Variants in NMT2 observed in about 807,000 individuals in gnomAD.
NMT2 encodes N-myristoyltransferase 2.
NMT2 carries 35 observed loss-of-function variants against 65.4 expected under a neutral mutation model. The observed-to-expected ratio is 0.54, with a 90% CI of 0.41 to 0.71. The LOEUF (loss-of-function observed/expected upper bound fraction) is 0.71, where lower values mean the gene tolerates loss of function less well. Ranked by LOEUF, NMT2 falls within the 30% of genes least tolerant of loss-of-function variation. NMT2 has a pLI of 0.00. For missense variants in NMT2, 489 were observed against 611.3 expected (o/e 0.80, Z 2.11); for synonymous variants, 226 against 231.8 (o/e 0.98, Z 0.23).
intron 10 of NMT2, among the ~76,000 whole-genome samples, chr10:15,111,112 A>T (rs1845497662): frequency 6.6e-6 from 1 of 151,950 alleles, no homozygotes; most frequent in Non-Finnish European, 1.5e-5. Flanking sequence ...TTTAGAAGGG[A>T]ACAGTTGTCA....
chr10:15,138,150 A>T (rs1846587439), intron 2 of NMT2, among the ~76,000 whole-genome samples: 1 of 151,686 alleles, frequency 6.6e-6, no homozygotes, highest in African/African-American at 2.4e-5. Flanking sequence ...AGCTGGGATT[A>T]CAGGCTTGTG....
intron 9 of NMT2, among the ~76,000 whole-genome samples, chr10:15,114,220 C>A (rs915365262): frequency 2.0e-5 from 3 of 152,204 alleles, no homozygotes; most frequent in Non-Finnish European, 4.4e-5. Context: ...TCATATCCAT[C>A]TCATACGCTG....
rs147160523 is a variant in NMT2 at position 15,134,947 on chromosome 10, C to T, written c.391+327G>A. Among the ~76,000 whole-genome samples, 672 of 152,226 alleles carry T rather than the reference C, an allele frequency of 4.4e-3. 6 individuals carry two copies. The highest frequency in any genetic ancestry group is 0.015 in the African/African-American group (603 of 41,540). On this transcript the variant is annotated intron_variant, in intron 3 of 11. Coordinates refer to ENST00000378165, the MANE Select transcript of NMT2 (RefSeq NM_004808.3). ...GCTGCAGTGAGCTATGATCATGCCA[C>T]TGCACTCCAGCCTGGGTGATAGAGT...
intron 6 of NMT2, 91 bp from the exon 7 acceptor site, chr10:15,130,403 A>G: frequency 1.0e-6 from 1 of 960,734 alleles, no homozygotes; most frequent in Non-Finnish European, 1.5e-6. Flanking sequence ...ATACCCAGGA[A>G]ATATCCAAGA....
rs118066822 is a variant in NMT2 at position 15,142,966 on chromosome 10, G to A, written c.111-1409C>T. 1.4e-3 allele frequency among the ~76,000 whole-genome samples: 220 copies of A among 152,256 alleles called. 2 individuals carry two copies. The highest frequency in any genetic ancestry group is 0.013 in the South Asian group (63 of 4,824). On this transcript the variant is annotated intron_variant, in intron 1 of 11. Coordinates refer to ENST00000378165, the MANE Select transcript of NMT2 (RefSeq NM_004808.3). ...TGGCACCCTGTGAATTGGTGAATCC[G>A]TTGTACTGTTATAGTGTGATTTATG...
At chr10:15,155,222 T>G in intron 1 of NMT2, 1 of 1,525,046 alleles carries the variant, frequency 6.6e-7, no homozygotes, top group Non-Finnish European at 9.1e-7. Flanking sequence ...CACGAAAGTT[T>G]TCTGTCTTTG....
chr10:15,168,336 C>A lies in NMT2; in HGVS notation c.110+167G>T, dbSNP rs1479761616. On this transcript the variant is annotated intron_variant, in intron 1 of 11. Transcript: ENST00000378165. ...CCTCCCCGCGCACTGCACTCTCCCGCGAGCCGCGCGCCCCGGACCTCACCA... is the reference window on the plus strand; with the variant it reads ...CCTCCCCGCGCACTGCACTCTCCCGAGAGCCGCGCGCCCCGGACCTCACCA... The A allele has an allele frequency of 1.7e-5, 10 of 580,586 alleles. No homozygotes were observed. In the African/African-American group the frequency reaches 1.8e-4, roughly 10 times the overall value. 36.0% of individuals were successfully genotyped at this position (580,586 alleles called of 1,614,324 possible). A position where few individuals can be genotyped will look rare whatever the true frequency, so the allele number is the denominator to read the frequency against.
intron 1 of NMT2, among the ~76,000 whole-genome samples, chr10:15,154,037 C>T (rs1588451935): frequency 6.6e-6 from 1 of 152,210 alleles, no homozygotes; most frequent in East Asian, 1.9e-4. Flanking sequence ...AACACAAGCA[C>T]ATTTATCTTT....
At chr10:15,123,515 G>A (rs1470089468) in intron 8 of NMT2, among the ~76,000 whole-genome samples, 2 of 130,772 alleles carry the variant, frequency 1.5e-5, no homozygotes, top group South Asian at 2.5e-4. Context: ...GCGACAAAGC[G>A]AGACTTCGTC....
chr10:15,135,456 G>C (rs1239255783), intron 2 of NMT2, 38 bp from the exon 3 acceptor site: 1 of 1,602,568 alleles, frequency 6.2e-7, no homozygotes, highest in Non-Finnish European at 8.5e-7. Flanking sequence ...ATGAGAGAGC[G>C]GCTGCTGATG....
chr10:15,134,457 A>G (rs1846401041), intron 3 of NMT2, among the ~76,000 whole-genome samples: 1 of 152,168 alleles, frequency 6.6e-6, no homozygotes, highest in African/African-American at 2.4e-5. Flanking sequence ...AAGCTTACGC[A>G]TCACACGTCA....
intron 9 of NMT2, among the ~76,000 whole-genome samples, chr10:15,116,309 C>T (rs1845742774): frequency 6.6e-6 from 1 of 152,198 alleles, no homozygotes; most frequent in African/African-American, 2.4e-5. Context: ...CAAAATTGAA[C>T]AGCACAATTC....
At chr10:15,149,559 CCAA>C (rs1832728669) in intron 1 of NMT2, among the ~76,000 whole-genome samples, 1 of 65,978 alleles carries the variant, frequency 1.5e-5, no homozygotes, top group African/African-American at 6.1e-5. Flanking sequence ...ACCATCATCA[CCAA>C]CATCATCACC....
chr10:15,140,662 C>A (rs557232906), intron 2 of NMT2, among the ~76,000 whole-genome samples: 1 of 152,012 alleles, frequency 6.6e-6, no homozygotes, highest in Non-Finnish European at 1.5e-5. Flanking sequence ...GGACTACAGG[C>A]GTGAGCCACC....
chr10:15,131,953 C>A (rs1013808526), intron 6 of NMT2, among the ~76,000 whole-genome samples: 4 of 152,036 alleles, frequency 2.6e-5, no homozygotes, highest in Non-Finnish European at 5.9e-5. Context: ...GCAATCTCTT[C>A]CTCCTGGGTT....
chr10:15,124,067 C>T (rs1846006938), intron 8 of NMT2, among the ~76,000 whole-genome samples: 1 of 152,134 alleles, frequency 6.6e-6, no homozygotes, highest in Admixed American at 6.5e-5. Flanking sequence ...TTATATGCCT[C>T]GACATGTCTA....
At chr10:15,148,499 G>A (rs1217699806) in intron 1 of NMT2, among the ~76,000 whole-genome samples, 2 of 152,166 alleles carry the variant, frequency 1.3e-5, no homozygotes, top group Non-Finnish European at 2.9e-5. Flanking sequence ...GCAACAGAGT[G>A]AGACCCTGTC....
Position 15,135,212 on chromosome 10 carries a change from T to G in NMT2, c.391+62A>C, listed in dbSNP as rs938723656. 176 of 1,415,456 alleles carry G rather than the reference T, an allele frequency of 1.2e-4. 1 individual carries two copies. In the African/African-American group the frequency reaches 2.2e-3, roughly 18 times the overall value. 87.7% of individuals were successfully genotyped at this position (1,415,456 alleles called of 1,614,324 possible). On this transcript the variant is annotated intron_variant, in intron 3 of 11. Transcript: ENST00000378165. Reference sequence around the variant, plus strand: ...TGTGTTTTGTTGTTGTTGTTGTTGTTGTTGTTGTTGTTCATCCAGCTTTGT... The same window carrying G: ...TGTGTTTTGTTGTTGTTGTTGTTGTGGTTGTTGTTGTTCATCCAGCTTTGT...
chr10:15,150,698 C>G (rs1169246892), intron 1 of NMT2, among the ~76,000 whole-genome samples: 5 of 152,098 alleles, frequency 3.3e-5, no homozygotes, highest in Non-Finnish European at 7.4e-5. Flanking sequence ...CATCAAAGAT[C>G]CATCAAGCAG....
Sources: gnomAD v4.1 joint callset for allele counts (sites outside exome capture counted in the v4.1 genomes callset) on GRCh38, gnomAD v4.1.1 for gene constraint, MANE v1.5 for transcripts, NCBI Gene and HGNC (gene_info 2026-07-23, HGNC 2026-07-21) for gene names.